Variants in EIF2S2 observed in about 807,000 individuals in gnomAD.
The protein encoded by EIF2S2 is eukaryotic translation initiation factor 2 subunit 2.
A neutral mutation model predicts 44.0 loss-of-function variants in EIF2S2; 4 were observed. The ratio of observed to expected loss-of-function variants is 0.09; its 90% CI spans 0.04 to 0.21. The LOEUF is 0.21. EIF2S2 is among the 10% of genes least tolerant of loss of function. The probability of loss-of-function intolerance (pLI) is 1.00; values close to 1 mark genes in which losing one functional copy is unlikely to be tolerated. For missense variants in EIF2S2, 154 were observed against 392.0 expected (o/e 0.39, Z 5.13); for synonymous variants, 108 against 128.3 (o/e 0.84, Z 1.07).
chr20:34,089,936 G>A, intron 8 of EIF2S2, 31 bp from the exon 9 acceptor site: 1 of 1,610,992 alleles, frequency 6.2e-7, no homozygotes, highest in South Asian at 1.1e-5. Context: ...AGAATTACCT[G>A]GTGGCTGCAG....
In EIF2S2 at chr20:34,095,307, CCTCTT is replaced by C. The variant is rs1170248526; in HGVS notation, c.683+1345_683+1349del. The stretch of plus-strand genomic sequence containing the variant: ...ATATTAAACTATGATAAGTTAGCTA[CCTCTT>C]TTTTTTTTTTTTTTTTTTGACAGAG... On this transcript the variant is annotated intron_variant, in intron 6 of 8. Transcript: ENST00000374980. 2.4e-5 allele frequency among the ~76,000 whole-genome samples: 3 copies of C among 123,400 alleles called. No homozygotes were observed. In the Admixed American group the frequency reaches 2.8e-4, roughly 11 times the overall value. The allele number at this position is 123,400 out of a possible 152,430, so 81.0% of individuals were successfully genotyped here.
At chr20:34,104,069 T>C (rs1175877000) in intron 2 of EIF2S2, among the ~76,000 whole-genome samples, 1 of 152,110 alleles carries the variant, frequency 6.6e-6, no homozygotes, top group Non-Finnish European at 1.5e-5. Context: ...ATAGGAAAAA[T>C]CTGGTTAGGG....
At chr20:34,094,946 C>T (rs974984136) in intron 6 of EIF2S2, among the ~76,000 whole-genome samples, 1 of 152,156 alleles carries the variant, frequency 6.6e-6, no homozygotes, top group African/African-American at 2.4e-5. Flanking sequence ...TGAACTGGCA[C>T]GACCTTGCTA....
At position 34,098,600 on chromosome 20, in the gene EIF2S2, T is replaced by G. The variant is rs758996570; in HGVS notation, c.331A>C (p.Thr111Pro). 3 of 1,614,016 alleles carry G rather than the reference T, an allele frequency of 1.9e-6. No homozygotes were observed. The highest frequency in any genetic ancestry group is 2.5e-6 in the Non-Finnish European group (3 of 1,180,010). Residue 111 changes from threonine (T) to proline (P), a missense_variant, in exon 4 of 9, where the codon ACT (threonine) becomes CCT (proline). Thr to Pro is a conservative substitution (Grantham distance 38, BLOSUM62 -1). This residue lies in a region of EIF2S2 where 134 missense variants were observed against 225.0 expected (regional missense o/e 0.60). Transcript: ENST00000374980. ...LKIESDVQEPTEPEDDLDIML... is the reference protein window; with the variant it reads ...LKIESDVQEPPEPEDDLDIML... ...ATGTCAAGGTCATCCTCTGGTTCAG[T>G]TGGTTCTTGAACATCACTTTCAATC...
chr20:34,093,594 A>G, intron 7 of EIF2S2, 81 bp downstream of exon 7: 7 of 1,226,414 alleles, frequency 5.7e-6, no homozygotes, highest in Non-Finnish European at 8.0e-6. Flanking sequence ...CATTTTCTCT[A>G]AGTGTGTTAC....
intron 1 of EIF2S2, among the ~76,000 whole-genome samples, chr20:34,111,659 G>A (rs2034414012): frequency 1.3e-5 from 2 of 152,248 alleles, no homozygotes; most frequent in South Asian, 4.1e-4. Context: ...AGCCTAGAAA[G>A]TTTTAACGAG....
At chr20:34,100,213 C>T (rs751697878) in intron 3 of EIF2S2, among the ~76,000 whole-genome samples, 3 of 152,122 alleles carry the variant, frequency 2.0e-5, no homozygotes, top group Non-Finnish European at 4.4e-5. Flanking sequence ...CGGGGTTTTA[C>T]CATATTGGCC....
chr20:34,091,224 CT>C lies in EIF2S2; in HGVS notation c.741-623del, dbSNP rs1463372908. On this transcript the variant is annotated intron_variant, in intron 7 of 8. Coordinates refer to ENST00000374980, the MANE Select transcript of EIF2S2 (RefSeq NM_003908.5). The stretch of plus-strand genomic sequence containing the variant: ...ATCCAACAAAGGAAAAAATCTTTTA[CT>C]GCATCATACCATGTACAAAGCAAGG... Among the ~76,000 whole-genome samples the C allele has an allele frequency of 2.0e-5, 3 of 152,144 alleles. No individual in the cohort carries two copies. The East Asian group carries it at 5.8e-4, about 29-fold the overall frequency.
Position 34,088,493 on chromosome 20 carries a change from TCCA to T in EIF2S2, c.*1234_*1236del, listed in dbSNP as rs1469231424. ...CCCTCTACTGCTTTACCCATCACCCTCCACTGTTTTAGCCAAGGTGTTTGACAA... is the reference window on the plus strand; with the variant it reads ...CCCTCTACTGCTTTACCCATCACCCTCTGTTTTAGCCAAGGTGTTTGACAA... On this transcript the variant is annotated 3_prime_UTR_variant, in exon 9 of 9. Transcript: ENST00000374980. 1.3e-5 allele frequency: 2 copies of T among 152,766 alleles called. No individual in the cohort carries two copies. Among genetic ancestry groups the T allele is most frequent in the Admixed American group, 1.3e-4 (2 of 15,298 alleles). The allele number at this position is 152,766 out of a possible 1,614,324, so 9.5% of individuals were successfully genotyped here.
chr20:34,091,776 T>TTTTG lies in EIF2S2; in HGVS notation c.741-1175_741-1174insCAAA, dbSNP rs4012181. Among the ~76,000 whole-genome samples the TTTTG allele has an allele frequency of 1.4e-3, 132 of 95,826 alleles. 8 individuals carry two copies. Among genetic ancestry groups the TTTTG allele is most frequent in the African/African-American group, 3.5e-3 (98 of 28,102 alleles). 62.9% of individuals were successfully genotyped at this position (95,826 alleles called of 152,430 possible). A position where few individuals can be genotyped will look rare whatever the true frequency, so the allele number is the denominator to read the frequency against. ...TATTATTTATATATATTTATTTTTTTGGGGGGGGGGGGTCCAAGGGTGGAG... is the reference window on the plus strand; with the variant it reads ...TATTATTTATATATATTTATTTTTTTTTTGGGGGGGGGGGGGTCCAAGGGTGGAG... On this transcript the variant is annotated intron_variant, in intron 7 of 8. Transcript: ENST00000374980.
chr20:34,090,563 T>C lies in EIF2S2; in HGVS notation c.780A>G (p.Gly260=), dbSNP rs144799368. The stretch of plus-strand genomic sequence containing the variant: ...TTTCTATCTGTTTCTGTTGGAATCT[T>C]CCTTTGATTACAAGTTGGTTATTAC... ...IDGNNQLVIK[G]RFQQKQIENV... The change falls in exon 8 of 9, where the codon GGA becomes GGG. Residue 260 remains glycine (G), a synonymous_variant. Coordinates refer to ENST00000374980, the MANE Select transcript of EIF2S2 (RefSeq NM_003908.5). 57 of 1,545,984 alleles carry C rather than the reference T, an allele frequency of 3.7e-5. 1 individual carries two copies. In the African/African-American group the frequency reaches 6.4e-4, roughly 17 times the overall value.
intron 1 of EIF2S2, among the ~76,000 whole-genome samples, chr20:34,105,795 CTTTCAT>C (rs1391807113): frequency 2.0e-5 from 3 of 152,218 alleles, no homozygotes; most frequent in African/African-American, 4.8e-5. Flanking sequence ...TTCACTTTCA[CTTTCAT>C]GAGCAAATTT....
At chr20:34,099,299 G>A (rs188504969) in intron 3 of EIF2S2, among the ~76,000 whole-genome samples, 1 of 151,990 alleles carries the variant, frequency 6.6e-6, no homozygotes, top group East Asian at 1.9e-4. Flanking sequence ...AGAGGTTGCA[G>A]TGAGTTGAGA....
intron 7 of EIF2S2, among the ~76,000 whole-genome samples, chr20:34,093,360 A>G (rs534052320): frequency 1.2e-4 from 18 of 152,336 alleles, no homozygotes; most frequent in African/African-American, 2.9e-4. Flanking sequence ...AAGAAAACCA[A>G]TTCCTCTAAA....
chr20:34,094,801 C>A (rs753727262), intron 6 of EIF2S2, among the ~76,000 whole-genome samples: 1 of 151,984 alleles, frequency 6.6e-6, no homozygotes, highest in African/African-American at 2.4e-5. Flanking sequence ...TAAATCTATA[C>A]TGTGGCACTG....
At chr20:34,093,296 A>G (rs2034189250) in intron 7 of EIF2S2, among the ~76,000 whole-genome samples, 1 of 152,244 alleles carries the variant, frequency 6.6e-6, no homozygotes, top group Admixed American at 6.5e-5. Flanking sequence ...TCAACTTACT[A>G]GCTGTATTTC....
At chr20:34,093,808 T>C (rs2122396700) in intron 6 of EIF2S2, 77 bp from the exon 7 acceptor site, 1 of 1,287,612 alleles carries the variant, frequency 7.8e-7, no homozygotes, top group South Asian at 1.4e-5. Flanking sequence ...CTGTTCATTG[T>C]TTTGATCTGT....
At chr20:34,109,571 G>A (rs1449269778) in intron 1 of EIF2S2, among the ~76,000 whole-genome samples, 1 of 151,574 alleles carries the variant, frequency 6.6e-6, no homozygotes, top group East Asian at 1.9e-4. Context: ...GAGGCAGGAG[G>A]ATCCCCTGAG....
rs905484513 is a variant in EIF2S2 at position 34,096,232 on chromosome 20, T to C, written c.683+425A>G. Among the ~76,000 whole-genome samples, 4 of 151,462 alleles carry C rather than the reference T, an allele frequency of 2.6e-5. No homozygotes were observed. In the East Asian group the frequency reaches 5.8e-4, roughly 22 times the overall value. ...TCAGCATGAGTTGATTTCTCTCACC[T>C]CTGAATGCACTAATAAAACAAGCCC... is the stretch of plus-strand genomic sequence containing the variant. On this transcript the variant is annotated intron_variant, in intron 6 of 8. Coordinates refer to ENST00000374980, the MANE Select transcript of EIF2S2 (RefSeq NM_003908.5).
Sources: allele counts gnomAD v4.1 joint callset (sites outside exome capture counted in the v4.1 genomes callset), GRCh38; gene constraint gnomAD v4.1.1; regional missense constraint gnomAD v4.1.1; transcripts MANE v1.5; gene names NCBI Gene and HGNC (gene_info 2026-07-23, HGNC 2026-07-21).